Variants in ANK2 observed in about 807,000 individuals in gnomAD.
ANK2 encodes ankyrin-2.
ANK2 carries 83 observed loss-of-function variants against 360.5 expected under a neutral mutation model. The observed-to-expected ratio is 0.23, with a 90% CI of 0.19 to 0.28. The LOEUF (loss-of-function observed/expected upper bound fraction) is 0.28. Among genes scored for constraint, ANK2 ranks in the 10% least tolerant of loss-of-function variants. The probability of loss-of-function intolerance (pLI) is 1.00; values close to 1 mark genes in which losing one functional copy is unlikely to be tolerated. For synonymous variants in ANK2, 1,740 were observed against 1,759.5 expected (o/e 0.99, Z 0.28); for missense variants, 4,201 against 4,795.7 (o/e 0.88, Z 3.66).
the ANK2 span, among the ~76,000 whole-genome samples, chr4:112,742,082 A>G: frequency 6.6e-6 from 1 of 152,028 alleles, no homozygotes; most frequent in Admixed American, 6.6e-5. Flanking sequence ...GCTTGAGACC[A>G]GGAGTTCAAA....
At chr4:113,333,998 T>C (rs2093044358) in intron 29 of ANK2, among the ~76,000 whole-genome samples, 1 of 152,168 alleles carries the variant, frequency 6.6e-6, no homozygotes, top group Admixed American at 6.5e-5. Flanking sequence ...TTTAAGTAAC[T>C]ACACAAATAG....
At chr4:112,831,091 C>T (rs1352849869) in intron 1 of ANK2, among the ~76,000 whole-genome samples, 2 of 152,234 alleles carry the variant, frequency 1.3e-5, no homozygotes, top group Non-Finnish European at 1.5e-5. Flanking sequence ...AGCCCCCACC[C>T]CCTCCATGGG....
intron 2 of ANK2, among the ~76,000 whole-genome samples, chr4:113,021,541 C>CACACACATATATATATATATAT (rs1489947974): frequency 1.0e-5 from 1 of 95,572 alleles, no homozygotes; most frequent in African/African-American, 3.8e-5. Flanking sequence ...CACACACAAA[C>CACACACATATATATATATATAT]ATATATATAT....
At position 112,823,571 on chromosome 4, in the gene ANK2, C is replaced by CAAAA. The variant is rs34386421; in HGVS notation, c.-40+5318_-40+5321dup. On this transcript the variant is annotated intron_variant, in intron 1 of 30. Coordinates refer to the ANK2 transcript ENST00000503271. ...CAAAAGATGTAACTAAGAGGAAATG[C>CAAAA]AAAAAAAAAAAAAATGCAAAGTTCA... Among the ~76,000 whole-genome samples, 1,184 of 143,416 alleles carry CAAAA rather than the reference C, an allele frequency of 8.3e-3. 19 individuals carry two copies. The highest frequency in any genetic ancestry group is 0.029 in the African/African-American group (1,121 of 38,804). The allele number at this position is 143,416 out of a possible 152,430, so 94.1% of individuals were successfully genotyped here. A position where few individuals can be genotyped will look rare whatever the true frequency, so the allele number is the denominator to read the frequency against.
chr4:113,141,344 G>A (rs1465936738), intron 1 of ANK2: 2 of 152,192 alleles, frequency 1.3e-5, no homozygotes, highest in Non-Finnish European at 2.9e-5. Context: ...GAGAAACCAT[G>A]TGATTCCTAT....
chr4:113,152,470 A>G (rs1182648620), intron 1 of ANK2: 1 of 151,986 alleles, frequency 6.6e-6, no homozygotes, highest in African/African-American at 2.4e-5. Context: ...TGAATTCTTT[A>G]TTTTTATTTA....
intron 45 of ANK2, among the ~76,000 whole-genome samples, chr4:113,379,554 G>C (rs934074287): frequency 6.6e-6 from 1 of 152,112 alleles, no homozygotes; most frequent in Non-Finnish European, 1.5e-5. Flanking sequence ...ATGCTATAAA[G>C]GCTTCTACTA....
intron 1 of ANK2, among the ~76,000 whole-genome samples, chr4:113,063,696 G>A (rs571283606): frequency 1.3e-5 from 2 of 152,160 alleles, no homozygotes; most frequent in African/African-American, 4.8e-5. Context: ...GCTGAATTAT[G>A]AAAAATGATA....
intron 2 of ANK2, among the ~76,000 whole-genome samples, chr4:112,954,143 ATTG>A (rs561701560): frequency 2.6e-3 from 399 of 152,078 alleles, no homozygotes; most frequent in Non-Finnish European, 4.1e-3. Context: ...GCCAGTGGAT[ATTG>A]TTGTCCCACC....
At chr4:113,233,131 T>TACCCAGAAAC in intron 5 of ANK2, among the ~76,000 whole-genome samples, 1 of 102,980 alleles carries the variant, frequency 9.7e-6, no homozygotes, top group African/African-American at 3.8e-5. Context: ...TTTTTTTTTT[T>TACCCAGAAAC]TTTTTTTTTT....
At chr4:113,073,445 A>G (rs1423106650) in intron 1 of ANK2, among the ~76,000 whole-genome samples, 1 of 152,240 alleles carries the variant, frequency 6.6e-6, no homozygotes, top group Non-Finnish European at 1.5e-5. Flanking sequence ...TTGTGCAGCC[A>G]GGAGAAATCA....
rs1354044629 is a variant in ANK2 at position 113,341,736 on chromosome 4, A to C, written c.3942A>C (p.Ala1314=). The C allele has an allele frequency of 6.2e-7, 1 of 1,614,064 alleles. No homozygotes were observed. Among genetic ancestry groups the C allele is most frequent in the Admixed American group, 1.7e-5 (1 of 60,008 alleles). The change falls in exon 33 of 46, where the codon GCA becomes GCC. Residue 1314 remains alanine, a synonymous_variant. Transcript: ENST00000357077. ...AGATCCAGGAATCCGTTACTTTTGCATCACAAGTATACAGAGAAATTATCT... is the reference window on the plus strand; with the variant it reads ...AGATCCAGGAATCCGTTACTTTTGCCTCACAAGTATACAGAGAAATTATCT... ...CRQIQESVTF[A]SQVYREIICV... is the part of the protein sequence containing the mutation.
the ANK2 span, among the ~76,000 whole-genome samples, chr4:112,725,050 C>T: frequency 3.9e-5 from 6 of 152,114 alleles, no homozygotes; most frequent in South Asian, 8.3e-4. Flanking sequence ...GAGGCTGAGG[C>T]GGGTGGATTG....
At position 113,266,877 on chromosome 4, in the gene ANK2, C is replaced by CAA. The variant is rs375127476; in HGVS notation, c.1485+1892_1485+1893dup. 8.7e-3 allele frequency among the ~76,000 whole-genome samples: 1,250 copies of CAA among 143,124 alleles called. 23 individuals carry two copies. Among genetic ancestry groups the CAA allele is most frequent in the African/African-American group, 0.03 (1,168 of 39,126 alleles). The allele number at this position is 143,124 out of a possible 152,430, so 93.9% of individuals were successfully genotyped here. A position where few individuals can be genotyped will look rare whatever the true frequency, so the allele number is the denominator to read the frequency against. On this transcript the variant is annotated intron_variant, in intron 14 of 45. Transcript: ENST00000357077. ...GGGCAACAAGAGTGAAACTCTGTCT[C>CAA]AAAAAAAAAAAGCATTCATATCCTC...
intron 2 of ANK2, among the ~76,000 whole-genome samples, chr4:113,031,895 T>C (rs945282800): frequency 2.0e-5 from 3 of 151,886 alleles, no homozygotes; most frequent in Non-Finnish European, 4.4e-5. Context: ...TTTCCATCTT[T>C]TTCTTTTTGA....
chr4:113,293,728 C>T (rs1021570437), intron 22 of ANK2, among the ~76,000 whole-genome samples, 190 bp downstream of exon 22: 3 of 152,188 alleles, frequency 2.0e-5, no homozygotes, highest in African/African-American at 4.8e-5. Context: ...TACAGGGCTT[C>T]GGCTTCCTTT....
chr4:112,798,258 CAT>C, the ANK2 span: 1 of 152,122 alleles, frequency 6.6e-6, no homozygotes, highest in African/African-American at 2.4e-5. Context: ...TTGAACCTGA[CAT>C]GTGAATGACA....
In ANK2 at chr4:113,359,311, C is replaced by T. The variant is rs1452975317; in HGVS notation, c.10681+12C>T. 6.2e-7 allele frequency: 1 copy of T among 1,613,024 alleles called. No individual in the cohort carries two copies. Among genetic ancestry groups the T allele is most frequent in the East Asian group, 2.2e-5 (1 of 44,886 alleles). ...TGACCATGCTGAAGGTATTTGCCAG[C>T]CACCGGGATTCCCTGTGCTACGCAT... is the stretch of plus-strand genomic sequence containing the variant. On this transcript the variant is annotated intron_variant, in intron 38 of 45. Coordinates refer to ENST00000357077, the MANE Select transcript of ANK2 (RefSeq NM_001148.6).
In ANK2 at chr4:112,893,736, C is replaced by T. The variant is rs148631032; in HGVS notation, c.-39-10719C>T. Among the ~76,000 whole-genome samples the T allele has an allele frequency of 9.8e-3, 1,491 of 152,238 alleles. 16 individuals are homozygous for T. Among genetic ancestry groups the T allele is most frequent in the African/African-American group, 0.025 (1,035 of 41,534 alleles). On this transcript the variant is annotated intron_variant, in intron 1 of 30. Transcript: ENST00000503271. ...GCAGGCCAGGTGCAGTGGCTCACAC[C>T]TGTAATCCCAGCTCTTTGGGAGCTG...
Sources: allele counts gnomAD v4.1 joint callset (sites outside exome capture counted in the v4.1 genomes callset), GRCh38; gene constraint gnomAD v4.1.1; transcripts MANE v1.5; gene names NCBI Gene and HGNC (gene_info 2026-07-23, HGNC 2026-07-21).